Variants in TSNARE1 observed in about 807,000 individuals in gnomAD.
TSNARE1 encodes t-SNARE domain-containing protein 1.
Under a neutral mutation model 62.0 loss-of-function variants are expected in TSNARE1, and 49 were observed. The ratio of observed to expected loss-of-function variants is 0.79; its 90% CI spans 0.63 to 1.00. The LOEUF is 1.00. Ranked by LOEUF, TSNARE1 falls within the 50% of genes least tolerant of loss-of-function variation. The pLI is 0.00. For synonymous variants in TSNARE1, 328 were observed against 294.4 expected (o/e 1.11, Z -1.17); for missense variants, 755 against 700.1 (o/e 1.08, Z -0.88).
At chr8:142,396,378 C>A (rs1303901976) in intron 1 of TSNARE1, among the ~76,000 whole-genome samples, 1 of 152,136 alleles carries the variant, frequency 6.6e-6, no homozygotes, top group Non-Finnish European at 1.5e-5. Context: ...CTTATGGGAA[C>A]AAGAATCTTG....
chr8:142,261,081 A>AGG (rs1818858338), intron 12 of TSNARE1, among the ~76,000 whole-genome samples: 2 of 25,120 alleles, frequency 8.0e-5, no homozygotes, highest in African/African-American at 1.6e-4. Context: ...GGAGAGAGGA[A>AGG]AGGAGGAAGG....
intron 12 of TSNARE1, chr8:142,247,937 T>G (rs1406008303): frequency 6.6e-6 from 1 of 152,328 alleles, no homozygotes; most frequent in African/African-American, 2.4e-5. Context: ...TGGGGGATAC[T>G]GGGATGGAAT....
intron 12 of TSNARE1, among the ~76,000 whole-genome samples, chr8:142,268,148 C>T (rs1415441119): frequency 1.3e-5 from 2 of 152,202 alleles, no homozygotes; most frequent in African/African-American, 4.8e-5. Flanking sequence ...CCCTGCGTGC[C>T]ACCTGCCATT....
intron 12 of TSNARE1, among the ~76,000 whole-genome samples, chr8:142,271,867 C>T (rs544684013): frequency 6.6e-6 from 1 of 151,988 alleles, no homozygotes; most frequent in Non-Finnish European, 1.5e-5. Flanking sequence ...AGGAAACAGA[C>T]CCAGAGAGGT....
chr8:142,250,222 A>C (rs1363663141), intron 12 of TSNARE1, among the ~76,000 whole-genome samples: 1 of 152,202 alleles, frequency 6.6e-6, no homozygotes, highest in Non-Finnish European at 1.5e-5. Flanking sequence ...TTTTACAGCC[A>C]TTCTCCTGCC....
intron 4 of TSNARE1, among the ~76,000 whole-genome samples, chr8:142,343,429 C>T (rs190015192): frequency 3.9e-5 from 6 of 151,914 alleles, no homozygotes; most frequent in Admixed American, 3.3e-4. Context: ...GCTAGAAATG[C>T]CTGATTCTCG....
chr8:142,328,000 G>A (rs930362669), intron 6 of TSNARE1, among the ~76,000 whole-genome samples: 1 of 152,116 alleles, frequency 6.6e-6, no homozygotes, highest in African/African-American at 2.4e-5. Flanking sequence ...GGGAGGCATC[G>A]CTGCATGCCC....
At chr8:142,365,961 G>A (rs572781485) in intron 1 of TSNARE1, 1 of 445,346 alleles carries the variant, frequency 2.2e-6, no homozygotes, top group East Asian at 7.1e-5. Flanking sequence ...GCAGCTGATG[G>A]TTTTGTAGAG....
chr8:142,352,608 G>A (rs1029835883), intron 2 of TSNARE1, among the ~76,000 whole-genome samples: 6 of 152,258 alleles, frequency 3.9e-5, no homozygotes, highest in East Asian at 1.9e-4. Flanking sequence ...GCGCGGAATC[G>A]AAGGAGCCAC....
rs548747219 is a variant in TSNARE1, at chr8:142,346,892, A to G, written c.89-1000T>C. Among the ~76,000 whole-genome samples, 271 of 152,328 alleles carry G rather than the reference A, an allele frequency of 1.8e-3. 1 individual carries two copies. The highest frequency in any genetic ancestry group is 3.4e-3 in the Non-Finnish European group (229 of 68,020). ...CCGTCTAGGGGGACCCTACAGCCCA[A>G]CGTGACAGGGAGGGAAGGACTTTCC... On this transcript the variant is annotated intron_variant, in intron 2 of 13. Coordinates refer to ENST00000524325, the MANE Select transcript of TSNARE1 (RefSeq NM_145003.5).
chr8:142,404,311 G>C (rs1838518686), upstream of TSNARE1: 1 of 64,676 alleles, frequency 1.5e-5, no homozygotes, highest in South Asian at 4.7e-4. Flanking sequence ...CGTGGACACT[G>C]CGTGGTACTG....
chr8:142,274,388 C>T lies in TSNARE1; in HGVS notation c.1446+393G>A, dbSNP rs973665960. 9 of 985,344 alleles carry T rather than the reference C, an allele frequency of 9.1e-6. No individual in the cohort carries two copies. In the African/African-American group the frequency reaches 1.6e-4, roughly 17 times the overall value. The allele number at this position is 985,344 out of a possible 1,614,324, so 61.0% of individuals were successfully genotyped here. On this transcript the variant is annotated intron_variant, in intron 12 of 13. Transcript: ENST00000524325. ...TTTCTTGTTCCCTCTGAGCCACTGACCTGCCCCAACCACAAAGTCCCCTCT... is the reference window on the plus strand; with the variant it reads ...TTTCTTGTTCCCTCTGAGCCACTGATCTGCCCCAACCACAAAGTCCCCTCT...
intron 6 of TSNARE1, among the ~76,000 whole-genome samples, chr8:142,325,279 G>A (rs1312994690): frequency 1.3e-5 from 2 of 152,204 alleles, no homozygotes; most frequent in African/African-American, 4.8e-5. Flanking sequence ...GGGCGGACCT[G>A]AAAGGCCACA....
intron 11 of TSNARE1, among the ~76,000 whole-genome samples, chr8:142,281,989 C>T (rs955015506): frequency 6.6e-6 from 1 of 152,234 alleles, no homozygotes; most frequent in Non-Finnish European, 1.5e-5. Context: ...GGGCCTCCCA[C>T]TTCCTGCCCC....
chr8:142,243,474 T>C (rs1563772249), intron 12 of TSNARE1, among the ~76,000 whole-genome samples: 2 of 152,186 alleles, frequency 1.3e-5, no homozygotes, highest in Non-Finnish European at 2.9e-5. Context: ...GAAGACATCA[T>C]GCTTAAGTGA....
intron 1 of TSNARE1, among the ~76,000 whole-genome samples, chr8:142,356,978 C>T (rs893604159): frequency 3.3e-5 from 5 of 152,058 alleles, no homozygotes. Flanking sequence ...CAGAGGAGCA[C>T]CGAGAAGCCA....
chr8:142,285,201 C>T (rs1185147487), intron 10 of TSNARE1, among the ~76,000 whole-genome samples: 1 of 124,794 alleles, frequency 8.0e-6, no homozygotes, highest in Non-Finnish European at 1.7e-5. Flanking sequence ...GGTGGATGGG[C>T]GAGTGGATGG....
chr8:142,255,560 T>C (rs868795272), intron 12 of TSNARE1, among the ~76,000 whole-genome samples: 3 of 10,690 alleles, frequency 2.8e-4, no homozygotes, highest in Admixed American at 7.6e-4. Context: ...ACCATCACCA[T>C]CACCACCATC....
chr8:142,309,631 TCA>T (rs1322776388), intron 9 of TSNARE1, among the ~76,000 whole-genome samples: 1 of 152,222 alleles, frequency 6.6e-6, no homozygotes, highest in Non-Finnish European at 1.5e-5. Context: ...GATCATCCTT[TCA>T]CAGATTGCTA....
Sources: gnomAD v4.1 joint callset for allele counts (sites outside exome capture counted in the v4.1 genomes callset) on GRCh38, gnomAD v4.1.1 for gene constraint, MANE v1.5 for transcripts, NCBI Gene and HGNC (gene_info 2026-07-23, HGNC 2026-07-21) for gene names.